Variants in TNIK observed in about 807,000 individuals in gnomAD.
The protein encoded by TNIK is TRAF2 and NCK interacting kinase.
TNIK carries 49 observed loss-of-function variants against 191.3 expected under a neutral mutation model. The observed-to-expected ratio is 0.26, with a 90% CI of 0.20 to 0.32. The LOEUF is 0.32. Among genes scored for constraint, TNIK ranks in the 10% least tolerant of loss-of-function variants. TNIK has a pLI of 1.00. For missense variants in TNIK, 1,155 were observed against 1,702.3 expected (o/e 0.68, Z 5.66); for synonymous variants, 594 against 600.9 (o/e 0.99, Z 0.17).
chr3:171,218,736 T>C (rs1258131209), intron 3 of TNIK, among the ~76,000 whole-genome samples: 2 of 146,986 alleles, frequency 1.4e-5, no homozygotes, highest in Non-Finnish European at 3.0e-5. Flanking sequence ...ATTTTTACAT[T>C]GTATACACTA....
intron 2 of TNIK, among the ~76,000 whole-genome samples, chr3:171,297,002 C>T (rs1752359650): frequency 6.6e-6 from 1 of 152,102 alleles, no homozygotes; most frequent in Non-Finnish European, 1.5e-5. Flanking sequence ...GCTGTTTAAA[C>T]CTACCAAGAA....
chr3:171,185,376 G>C (rs1050162716), intron 7 of TNIK, among the ~76,000 whole-genome samples: 9 of 152,052 alleles, frequency 5.9e-5, no homozygotes, highest in Admixed American at 4.6e-4. Flanking sequence ...TTCAAAGTAG[G>C]TTAAAAAAAT....
chr3:171,414,101 T>C (rs938234365), intron 1 of TNIK, among the ~76,000 whole-genome samples: 1 of 152,198 alleles, frequency 6.6e-6, no homozygotes, highest in African/African-American at 2.4e-5. Context: ...TCTTTACCAA[T>C]TGCCTAACTT....
intron 2 of TNIK, among the ~76,000 whole-genome samples, chr3:171,254,576 T>C (rs1746619850): frequency 6.6e-6 from 1 of 152,232 alleles, no homozygotes; most frequent in Admixed American, 6.5e-5. Flanking sequence ...TTCATATTAA[T>C]AATCCTATAA....
chr3:171,160,524 T>C (rs555184181), intron 11 of TNIK, among the ~76,000 whole-genome samples: 12 of 151,776 alleles, frequency 7.9e-5, no homozygotes, highest in African/African-American at 2.7e-4. Flanking sequence ...ACTTCACATG[T>C]ATACTGCATG....
intron 1 of TNIK, among the ~76,000 whole-genome samples, chr3:171,403,726 G>A (rs1364542071): frequency 1.3e-5 from 2 of 151,758 alleles, no homozygotes; most frequent in African/African-American, 4.9e-5. Context: ...CAACTTACAG[G>A]AGATGGAGAA....
intron 32 of TNIK, 63 bp from the exon 33 acceptor site, chr3:171,064,027 G>T: frequency 6.7e-7 from 1 of 1,502,534 alleles, no homozygotes; most frequent in Non-Finnish European, 9.2e-7. Context: ...TTCTTCAACC[G>T]TCCATCCATT....
At chr3:171,068,295 T>C (rs1017239189) in intron 30 of TNIK, among the ~76,000 whole-genome samples, 1 of 152,094 alleles carries the variant, frequency 6.6e-6, no homozygotes, top group Non-Finnish European at 1.5e-5. Flanking sequence ...GATAAGTCTT[T>C]TTATCCATAT....
chr3:171,422,666 G>A (rs1723982821), intron 1 of TNIK, among the ~76,000 whole-genome samples: 1 of 152,182 alleles, frequency 6.6e-6, no homozygotes, highest in South Asian at 2.1e-4. Flanking sequence ...ATACAAAGAT[G>A]AATACCATGG....
At chr3:171,287,013 T>A (rs549614316) in intron 2 of TNIK, among the ~76,000 whole-genome samples, 1 of 152,356 alleles carries the variant, frequency 6.6e-6, no homozygotes, top group South Asian at 2.1e-4. Context: ...TCAGAAAAGA[T>A]GCTGCTTTCA....
At chr3:171,202,948 G>T (rs1739597382) in intron 4 of TNIK, among the ~76,000 whole-genome samples, 2 of 152,158 alleles carry the variant, frequency 1.3e-5, no homozygotes, top group South Asian at 4.1e-4. Context: ...TGTATATGAA[G>T]GAAAGGAGCT....
At position 171,066,627 on chromosome 3, in the gene TNIK, G is replaced by T. The variant is rs754276249; in HGVS notation, c.3808C>A (p.Arg1270=). The T allele has an allele frequency of 1.9e-6, 3 of 1,613,518 alleles. No homozygotes were observed. In the African/African-American group the frequency reaches 4.0e-5, roughly 22 times the overall value. Residue 1270 remains arginine (R), a synonymous_variant, in exon 31 of 33, where the codon CGG becomes AGG. Transcript: ENST00000436636. ...TGGAGCACCACATCCTTAGTTATCC[G>T]GCCATAGGTGTTTACATACACCCCC... is the stretch of plus-strand genomic sequence containing the variant. The part of the protein sequence containing the change: ...DEGVYVNTYG[R]ITKDVVLQWG...
intron 1 of TNIK, among the ~76,000 whole-genome samples, chr3:171,451,905 T>C (rs1728218076): frequency 6.6e-6 from 1 of 152,236 alleles, no homozygotes; most frequent in African/African-American, 2.4e-5. Context: ...CACAGAATAC[T>C]GGGCCTGAAT....
At chr3:171,101,660 A>G (rs370204857) in intron 21 of TNIK, 27 bp from the exon 22 acceptor site, 656 of 1,608,816 alleles carry the variant, frequency 4.1e-4, no homozygotes, top group Non-Finnish European at 5.4e-4. Flanking sequence ...TGTTCAGCAT[A>G]TGAGTGGTAG....
chr3:171,223,855 T>C (rs147982348), intron 3 of TNIK, among the ~76,000 whole-genome samples: 33 of 152,300 alleles, frequency 2.2e-4, no homozygotes, highest in Non-Finnish European at 4.4e-4. Flanking sequence ...CTATAATATA[T>C]GATATTATAG....
intron 2 of TNIK, among the ~76,000 whole-genome samples, chr3:171,317,943 A>C (rs2108322718): frequency 6.6e-6 from 1 of 152,292 alleles, no homozygotes; most frequent in East Asian, 1.9e-4. Context: ...TGGGACAGTA[A>C]CCATCCTAAG....
intron 7 of TNIK, among the ~76,000 whole-genome samples, chr3:171,180,282 T>C (rs758328882): frequency 6.6e-6 from 1 of 152,100 alleles, no homozygotes; most frequent in Non-Finnish European, 1.5e-5. Flanking sequence ...CAAAGCCTGC[T>C]CAACCCCTGT....
intron 2 of TNIK, among the ~76,000 whole-genome samples, chr3:171,338,404 A>G (rs1246494988): frequency 6.6e-6 from 1 of 152,206 alleles, no homozygotes; most frequent in Non-Finnish European, 1.5e-5. Flanking sequence ...ATATCCCCCA[A>G]AAGCCAAACA....
At chr3:171,198,256 C>G (rs917052346) in intron 4 of TNIK, among the ~76,000 whole-genome samples, 1 of 90,946 alleles carries the variant, frequency 1.1e-5, no homozygotes, top group African/African-American at 4.1e-5. Context: ...GAGCCAGACT[C>G]CGTCTCAAAA....
Sources: allele counts gnomAD v4.1 joint callset (sites outside exome capture counted in the v4.1 genomes callset), GRCh38; gene constraint gnomAD v4.1.1; transcripts MANE v1.5; gene names NCBI Gene and HGNC (gene_info 2026-07-23, HGNC 2026-07-21).